Variants in CNOT10 observed in about 807,000 individuals in gnomAD.
CNOT10 encodes CCR4-NOT transcription complex, subunit 10.
Under a neutral mutation model 94.6 loss-of-function variants are expected in CNOT10, and 30 were observed. The ratio of observed to expected loss-of-function variants is 0.32; its 90% CI spans 0.24 to 0.43. The LOEUF is 0.43. Ranked by LOEUF, CNOT10 falls within the 20% of genes least tolerant of loss-of-function variation. The pLI, the probability that CNOT10 is intolerant of heterozygous loss-of-function variation, is 1.00. For synonymous variants in CNOT10, 289 were observed against 301.6 expected (o/e 0.96, Z 0.43); for missense variants, 759 against 877.2 (o/e 0.87, Z 1.70).
intron 10 of CNOT10, among the ~76,000 whole-genome samples, chr3:32,728,657 C>T (rs901867072): frequency 1.3e-5 from 2 of 152,096 alleles, no homozygotes; most frequent in Non-Finnish European, 2.9e-5. Context: ...TGTTAACATT[C>T]TCATTCTTGG....
At position 32,713,165 on chromosome 3, in the gene CNOT10, G is replaced by A. The variant is rs189488138; in HGVS notation, c.431-62G>A. On this transcript the variant is annotated intron_variant, in intron 4 of 18. Transcript: ENST00000328834. ...GCTTTGTATACTTTTTTGGAGGGTGGTCTGAAATGTGTGCTTTACTTTAGG... is the reference window on the plus strand; with the variant it reads ...GCTTTGTATACTTTTTTGGAGGGTGATCTGAAATGTGTGCTTTACTTTAGG... The A allele has an allele frequency of 3.4e-5, 46 of 1,341,032 alleles. No homozygotes were observed. In the East Asian group the frequency reaches 7.0e-4, roughly 20 times the overall value. The allele number at this position is 1,341,032 out of a possible 1,614,324, so 83.1% of individuals were successfully genotyped here.
intron 13 of CNOT10, among the ~76,000 whole-genome samples, chr3:32,746,176 G>A (rs189373908): frequency 2.0e-4 from 31 of 152,224 alleles, no homozygotes; most frequent in Admixed American, 5.2e-4. Flanking sequence ...CAGTGGTTGC[G>A]GGAATTGACT....
intron 13 of CNOT10, chr3:32,753,386 C>T: frequency 2.2e-6 from 3 of 1,394,418 alleles, no homozygotes; most frequent in Non-Finnish European, 3.1e-6. Context: ...CAAGAATGTT[C>T]AAAGAATGAT....
intron 13 of CNOT10, among the ~76,000 whole-genome samples, chr3:32,742,656 A>G (rs1699525623): frequency 6.6e-6 from 1 of 152,184 alleles, no homozygotes; most frequent in Non-Finnish European, 1.5e-5. Context: ...TGCTGAGATC[A>G]TAGGCGTGAG....
intron 13 of CNOT10, 76 bp downstream of exon 13, chr3:32,737,566 T>G: frequency 2.2e-6 from 2 of 924,768 alleles, no homozygotes; most frequent in Non-Finnish European, 3.4e-6. Flanking sequence ...GGCTCATACC[T>G]CTAATCCCAG....
Position 32,770,067 on chromosome 3 carries a change from A to AC in CNOT10, c.2080+107dup, listed in dbSNP as rs569224201. 216 of 823,336 alleles carry AC rather than the reference A, an allele frequency of 2.6e-4. 1 individual carries two copies. The East Asian group carries it at 5.3e-3, about 20-fold the overall frequency. The allele number at this position is 823,336 out of a possible 1,614,324, so 51.0% of individuals were successfully genotyped here. On this transcript the variant is annotated intron_variant, in intron 18 of 18. Coordinates refer to ENST00000328834, the MANE Select transcript of CNOT10 (RefSeq NM_015442.3). ...GTTGCCCAGGCTGGAGTGCAGTGGT[A>AC]CCATCAGAGCTCACTGCAGCCTCCA...
chr3:32,687,358 CTG>C (rs1696646432), intron 1 of CNOT10, among the ~76,000 whole-genome samples: 4 of 151,018 alleles, frequency 2.6e-5, no homozygotes, highest in Admixed American at 6.6e-5. Context: ...GTTTCTAAGA[CTG>C]TACATGCTTT....
chr3:32,771,372 G>A (rs1430532488), intron 18 of CNOT10, among the ~76,000 whole-genome samples: 2 of 152,122 alleles, frequency 1.3e-5, no homozygotes, highest in African/African-American at 4.8e-5. Flanking sequence ...AGGCCGACAC[G>A]GGTGGATCAT....
intron 17 of CNOT10, among the ~76,000 whole-genome samples, chr3:32,767,121 G>A (rs867895694): frequency 2.0e-5 from 3 of 152,186 alleles, no homozygotes; most frequent in Non-Finnish European, 2.9e-5. Context: ...GATATAGAAA[G>A]TTTGTATCAA....
chr3:32,718,647 A>G (rs941468356), intron 7 of CNOT10, among the ~76,000 whole-genome samples: 1 of 152,052 alleles, frequency 6.6e-6, no homozygotes, highest in African/African-American at 2.4e-5. Flanking sequence ...CATAGAGGAA[A>G]GACAATTGAA....
chr3:32,767,396 G>A (rs1008617943), intron 17 of CNOT10, among the ~76,000 whole-genome samples: 2 of 151,970 alleles, frequency 1.3e-5, no homozygotes, highest in African/African-American at 4.8e-5. Context: ...GCACATGCCT[G>A]TAACCCCAGA....
At chr3:32,725,700 A>G (rs765304468) in intron 9 of CNOT10, 101 bp downstream of exon 9, 24 of 1,090,218 alleles carry the variant, frequency 2.2e-5, no homozygotes, top group Non-Finnish European at 2.6e-5. Context: ...AGACTTACAT[A>G]TAGTTAACTC....
chr3:32,716,250 G>T lies in CNOT10; in HGVS notation c.599G>T (p.Gly200Val). The T allele has an allele frequency of 6.3e-7, 1 of 1,599,558 alleles. No individual in the cohort carries two copies. The highest frequency in any genetic ancestry group is 1.7e-5 in the Admixed American group (1 of 58,206). The change falls in exon 6 of 19, where the codon GGA becomes GTA. Residue 200 changes from glycine (G) to valine (V), a missense_variant. Physicochemically the swap from Gly to Val is moderately radical, Grantham distance 109. Coordinates refer to ENST00000328834, the MANE Select transcript of CNOT10 (RefSeq NM_015442.3). ...NETGNNNNKD[G>V]SNHKAESGAL... ...ACTGGTAATAACAACAACAAAGATG[G>T]ATCTAATCATAAAGCTGAAAGTGGA...
chr3:32,766,550 A>T lies in CNOT10; in HGVS notation c.2004+1741A>T, dbSNP rs187939475. On this transcript the variant is annotated intron_variant, in intron 17 of 18. Transcript: ENST00000328834. ...CGGGCGGCTGAGGCAGGAGAATGGCATGAACCCGGGAGGTGGAGCTTGCAG... is the reference window on the plus strand; with the variant it reads ...CGGGCGGCTGAGGCAGGAGAATGGCTTGAACCCGGGAGGTGGAGCTTGCAG... 1.5e-3 allele frequency among the ~76,000 whole-genome samples: 15 copies of T among 9,940 alleles called. 1 individual carries two copies. Among genetic ancestry groups the T allele is most frequent in the Admixed American group, 2.8e-3 (2 of 708 alleles). The allele number at this position is 9,940 out of a possible 152,430, so 6.5% of individuals were successfully genotyped here. A position where few individuals can be genotyped will look rare whatever the true frequency, so the allele number is the denominator to read the frequency against.
At position 32,763,417 on chromosome 3, in the gene CNOT10, G is replaced by A. The variant is rs924471019; in HGVS notation, c.1840+554G>A. On this transcript the variant is annotated intron_variant, in intron 15 of 18. Transcript: ENST00000328834. ...TGTAATCCCAACACTTTGGGAGGCC[G>A]AGGCAGGTGGATCACCTGAGGTCAG... 4.6e-5 allele frequency among the ~76,000 whole-genome samples: 7 copies of A among 152,170 alleles called. No individual in the cohort carries two copies. The South Asian group carries it at 1.0e-3, about 23-fold the overall frequency.
At chr3:32,708,983 A>G (rs1160113160) in intron 4 of CNOT10, among the ~76,000 whole-genome samples, 163 bp downstream of exon 4, 1 of 152,202 alleles carries the variant, frequency 6.6e-6, no homozygotes, top group Non-Finnish European at 1.5e-5. Flanking sequence ...AATGTAATCC[A>G]GGTTTTCTTT....
At chr3:32,754,489 A>AAAAAAAATATATATATATATATAT (rs77878221) in intron 13 of CNOT10, among the ~76,000 whole-genome samples, 3 of 70,212 alleles carry the variant, frequency 4.3e-5, no homozygotes, top group African/African-American at 2.3e-4. Context: ...AAAAAAAAAA[A>AAAAAAAATATATATATATATATAT]ATACATATAT....
At chr3:32,726,557 A>G (rs1299512892) in intron 9 of CNOT10, among the ~76,000 whole-genome samples, 1 of 151,720 alleles carries the variant, frequency 6.6e-6, no homozygotes, top group African/African-American at 2.4e-5. Flanking sequence ...TTAGCCGAGC[A>G]TGGTGGCAGG....
At chr3:32,756,579 T>G (rs1015888856) in intron 13 of CNOT10, among the ~76,000 whole-genome samples, 2 of 152,082 alleles carry the variant, frequency 1.3e-5, no homozygotes, top group African/African-American at 4.8e-5. Flanking sequence ...AAAGTCCCAT[T>G]TGTGGGAGCT....
Sources: gnomAD v4.1 joint callset for allele counts (sites outside exome capture counted in the v4.1 genomes callset) on GRCh38, gnomAD v4.1.1 for gene constraint, MANE v1.5 for transcripts, NCBI Gene and HGNC (gene_info 2026-07-23, HGNC 2026-07-21) for gene names.